Variants in CADPS2 observed in about 807,000 individuals in gnomAD.
CADPS2 encodes the protein calcium dependent secretion activator 2, also known as calcium-dependent secretion activator 2.
Under a neutral mutation model 172.5 loss-of-function variants are expected in CADPS2, and 93 were observed. The ratio of observed to expected loss-of-function variants is 0.54; its 90% CI spans 0.46 to 0.64. The LOEUF (loss-of-function observed/expected upper bound fraction) is 0.64. Ranked by LOEUF, CADPS2 falls within the 30% of genes least tolerant of loss-of-function variation. The probability of loss-of-function intolerance (pLI) is 0.00; values close to 1 mark genes in which losing one functional copy is unlikely to be tolerated. For synonymous variants in CADPS2, 546 were observed against 555.2 expected, an observed-to-expected ratio of 0.98 and a Z score of 0.23; for missense variants, 1,420 against 1,565.9, an observed-to-expected ratio of 0.91 and a Z score of 1.57.
At chr7:122,546,245 T>C (rs1004387553) in intron 8 of CADPS2, among the ~76,000 whole-genome samples, 2 of 152,166 alleles carry the variant, frequency 1.3e-5, no homozygotes, top group East Asian at 1.9e-4. Context: ...TTACTTATGA[T>C]TTTCAAGTGC....
chr7:122,337,844 C>T (rs1335559454), intron 28 of CADPS2, among the ~76,000 whole-genome samples: 1 of 149,460 alleles, frequency 6.7e-6, no homozygotes, highest in African/African-American at 2.5e-5. Flanking sequence ...TTGACTATGA[C>T]TATCTTAAAA....
chr7:122,535,053 T>C (rs1167202825), intron 8 of CADPS2, among the ~76,000 whole-genome samples: 2 of 152,172 alleles, frequency 1.3e-5, no homozygotes, highest in Admixed American at 1.3e-4. Context: ...TCCTGATTTC[T>C]ATAATCCTGA....
intron 2 of CADPS2, among the ~76,000 whole-genome samples, chr7:122,719,875 T>C (rs930941736): frequency 1.3e-5 from 2 of 152,078 alleles, no homozygotes; most frequent in African/African-American, 4.8e-5. Context: ...TAATGGTCAT[T>C]AGGGAAAGAA....
intron 25 of CADPS2, chr7:122,366,675 A>G (rs2040929945): frequency 7.8e-6 from 1 of 127,448 alleles, no homozygotes; most frequent in Non-Finnish European, 1.8e-5. Context: ...ATACATATAT[A>G]TATATATACG....
rs377579773 is a variant in CADPS2 at position 122,663,241 on chromosome 7, C to G, written c.782G>C (p.Cys261Ser). 8.4e-5 allele frequency: 135 copies of G among 1,604,924 alleles called. No homozygotes were observed. Among genetic ancestry groups the G allele is most frequent in the Non-Finnish European group, 1.1e-4 (128 of 1,172,866 alleles). ...AAAATATCAGAGACCACTTACCTGACATGCATTATAAAGGAGCTGGTGTTC... is the reference window on the plus strand; with the variant it reads ...AAAATATCAGAGACCACTTACCTGAGATGCATTATAAAGGAGCTGGTGTTC... ...KLEHQLLYNA[C>S]QLDNADEQAA... Residue 261 changes from cysteine to serine, a missense_variant, in exon 3 of 30, where the codon TGT becomes TCT. Physicochemically the swap from Cys to Ser is moderately radical, Grantham distance 112 (BLOSUM62 -1). Transcript: ENST00000449022.
chr7:122,733,498 A>C, intron 2 of CADPS2, among the ~76,000 whole-genome samples: 1 of 151,900 alleles, frequency 6.6e-6, no homozygotes, highest in Admixed American at 6.6e-5. Flanking sequence ...AAAATTATCA[A>C]GGCTGTGAAC....
chr7:122,816,355 T>C (rs565027261), intron 1 of CADPS2, among the ~76,000 whole-genome samples: 1 of 152,326 alleles, frequency 6.6e-6, no homozygotes, highest in African/African-American at 2.4e-5. Flanking sequence ...ATCTGGGTTG[T>C]TGCAAATGAC....
At chr7:122,549,986 T>C (rs1416031903) in intron 8 of CADPS2, among the ~76,000 whole-genome samples, 2 of 152,196 alleles carry the variant, frequency 1.3e-5, no homozygotes, top group Admixed American at 1.3e-4. Context: ...CCCTGAATAA[T>C]AATCTAAACA....
intron 1 of CADPS2, chr7:122,850,361 T>TG (rs1813218416): frequency 1.6e-5 from 6 of 381,710 alleles, no homozygotes; most frequent in Non-Finnish European, 9.8e-6. Context: ...GATCACCACC[T>TG]AGGGGGGTGA....
chr7:122,641,179 T>C (rs1282663546), intron 3 of CADPS2, among the ~76,000 whole-genome samples: 1 of 152,170 alleles, frequency 6.6e-6, no homozygotes, highest in African/African-American at 2.4e-5. Context: ...GATAACATTT[T>C]ACAGGTCTTT....
At chr7:122,844,433 C>T (rs1811403051) in intron 1 of CADPS2, among the ~76,000 whole-genome samples, 1 of 152,124 alleles carries the variant, frequency 6.6e-6, no homozygotes, top group Non-Finnish European at 1.5e-5. Flanking sequence ...GATGAATCAC[C>T]TAAACGACAT....
At chr7:122,820,401 C>G (rs543081121) in intron 1 of CADPS2, among the ~76,000 whole-genome samples, 6 of 151,970 alleles carry the variant, frequency 3.9e-5, no homozygotes, top group Non-Finnish European at 8.8e-5. Context: ...CAATTGCATC[C>G]GACTGATCTC....
At chr7:122,871,596 A>C (rs906616771) in intron 1 of CADPS2, among the ~76,000 whole-genome samples, 2 of 152,080 alleles carry the variant, frequency 1.3e-5, no homozygotes, top group African/African-American at 2.4e-5. Flanking sequence ...CAGCATACAA[A>C]ATACGGTTTA....
At chr7:122,430,040 A>G (rs2049684606) in intron 17 of CADPS2, among the ~76,000 whole-genome samples, 1 of 152,164 alleles carries the variant, frequency 6.6e-6, no homozygotes, top group African/African-American at 2.4e-5. Context: ...CCACAGTACA[A>G]CTTCTCCTCT....
At chr7:122,351,005 C>T (rs1413045198) in intron 27 of CADPS2, among the ~76,000 whole-genome samples, 4 of 151,488 alleles carry the variant, frequency 2.6e-5, no homozygotes, top group South Asian at 2.1e-4. Context: ...ATTTAAACAA[C>T]GAACAAGTCA....
chr7:122,814,561 G>A (rs984651655), intron 1 of CADPS2, among the ~76,000 whole-genome samples: 3 of 151,964 alleles, frequency 2.0e-5, no homozygotes, highest in Non-Finnish European at 4.4e-5. Flanking sequence ...AAATTGTAGT[G>A]TCTATAAACT....
intron 8 of CADPS2, among the ~76,000 whole-genome samples, chr7:122,541,805 ATT>A (rs1563648153): frequency 0.089 from 10,036 of 113,160 alleles, 465 homozygotes; most frequent in African/African-American, 0.092. Flanking sequence ...ATTCATATAT[ATT>A]TATATATTCA....
At chr7:122,455,603 T>C (rs1358205844) in intron 14 of CADPS2, among the ~76,000 whole-genome samples, 1 of 152,132 alleles carries the variant, frequency 6.6e-6, no homozygotes. Flanking sequence ...ATATGCAATA[T>C]AAAAATATTA....
At chr7:122,554,757 T>G (rs1563687488) in intron 7 of CADPS2, 68 bp from the exon 8 acceptor site, 1 of 1,320,466 alleles carries the variant, frequency 7.6e-7, no homozygotes, top group African/African-American at 1.5e-5. Context: ...AACTAAAATA[T>G]TTTCTATGTT....
Sources: allele counts gnomAD v4.1 joint callset (sites outside exome capture counted in the v4.1 genomes callset), GRCh38; gene constraint gnomAD v4.1.1; transcripts MANE v1.5; gene names NCBI Gene and HGNC (gene_info 2026-07-23, HGNC 2026-07-21).